KLHL1: variants seen among roughly 807,000 people sequenced by gnomAD.
The protein encoded by KLHL1 is kelch like family member 1.
A neutral mutation model predicts 77.7 loss-of-function variants in KLHL1; 47 were observed. The observed-to-expected ratio is 0.60, with a 90% CI of 0.48 to 0.77. The LOEUF (loss-of-function observed/expected upper bound fraction) is 0.77. KLHL1 is among the 30% of genes least tolerant of loss of function. The pLI, the probability that KLHL1 is intolerant of heterozygous loss-of-function variation, is 0.00. For missense variants in KLHL1, 925 were observed against 910.8 expected (o/e 1.02, Z -0.20); for synonymous variants, 360 against 325.2 (o/e 1.11, Z -1.15).
rs1229535140 is a variant in KLHL1 at position 70,095,656 on chromosome 13, A to T, written c.497+11547T>A. Among the ~76,000 whole-genome samples the T allele has an allele frequency of 6.6e-5, 10 of 152,274 alleles. No homozygotes were observed. In the East Asian group the frequency reaches 1.9e-3, roughly 29 times the overall value. ...GGGTAATTGAGATATTCATTACATTAAGCATTTATCATTTATTTGTGTTAG... is the reference window on the plus strand; with the variant it reads ...GGGTAATTGAGATATTCATTACATTTAGCATTTATCATTTATTTGTGTTAG... On this transcript the variant is annotated intron_variant, in intron 1 of 10. Transcript: ENST00000377844.
chr13:69,948,686 G>T (rs1016013154), intron 3 of KLHL1, among the ~76,000 whole-genome samples: 1 of 151,946 alleles, frequency 6.6e-6, no homozygotes, highest in Non-Finnish European at 1.5e-5. Context: ...GAATGGGAAG[G>T]AAAAAGTGAA....
intron 1 of KLHL1, among the ~76,000 whole-genome samples, chr13:70,101,423 G>A (rs866760839): frequency 6.6e-6 from 1 of 151,406 alleles, no homozygotes; most frequent in African/African-American, 2.4e-5. Context: ...TTCAATAGCC[G>A]TATATATATA....
rs147886948 is a variant in KLHL1 at position 69,799,921 on chromosome 13, C to T, written c.1415-2959G>A. Reference sequence around the variant, plus strand: ...CCGTGGCATTAAATTCTCATAGGAGCGCAAACCCTATTGTGAACTGTGCAT... The same window carrying T: ...CCGTGGCATTAAATTCTCATAGGAGTGCAAACCCTATTGTGAACTGTGCAT... On this transcript the variant is annotated intron_variant, in intron 6 of 10. Transcript: ENST00000377844. Among the ~76,000 whole-genome samples, 324 of 152,254 alleles carry T rather than the reference C, an allele frequency of 2.1e-3. 2 individuals are homozygous for T. Among genetic ancestry groups the T allele is most frequent in the Middle Eastern group, 0.017 (5 of 294 alleles).
At chr13:69,889,360 C>T (rs1881341945) in intron 4 of KLHL1, among the ~76,000 whole-genome samples, 2 of 151,812 alleles carry the variant, frequency 1.3e-5, no homozygotes, top group South Asian at 4.2e-4. Flanking sequence ...GTTATTTTAC[C>T]GGGGAGAATG....
intron 7 of KLHL1, among the ~76,000 whole-genome samples, chr13:69,762,470 ACAAT>A (rs1416015517): frequency 6.6e-6 from 1 of 151,910 alleles, no homozygotes; most frequent in African/African-American, 2.4e-5. Flanking sequence ...CCAACTGAGG[ACAAT>A]CAAACTCTTC....
At chr13:69,790,025 CTATT>C (rs1483146830) in intron 7 of KLHL1, among the ~76,000 whole-genome samples, 1 of 152,062 alleles carries the variant, frequency 6.6e-6, no homozygotes, top group African/African-American at 2.4e-5. Context: ...ATTGTGGTCT[CTATT>C]TAACTATCAA....
intron 1 of KLHL1, among the ~76,000 whole-genome samples, chr13:70,028,934 G>C (rs550866013): frequency 6.7e-6 from 1 of 150,246 alleles, no homozygotes; most frequent in Non-Finnish European, 1.5e-5. Flanking sequence ...CTGTGATTGC[G>C]CCACTGCACT....
intron 7 of KLHL1, among the ~76,000 whole-genome samples, chr13:69,785,429 C>T (rs1478269584): frequency 1.3e-5 from 2 of 152,012 alleles, no homozygotes. Flanking sequence ...GAAATGAAGG[C>T]AGAAATAAAG....
At chr13:69,965,622 T>C (rs1419419661) in intron 2 of KLHL1, among the ~76,000 whole-genome samples, 2 of 152,190 alleles carry the variant, frequency 1.3e-5, no homozygotes, top group Non-Finnish European at 2.9e-5. Flanking sequence ...TGATTAAGTT[T>C]AGCGAGGGAG....
At chr13:70,058,304 T>A (rs990477453) in intron 1 of KLHL1, among the ~76,000 whole-genome samples, 6 of 152,156 alleles carry the variant, frequency 3.9e-5, no homozygotes, top group Non-Finnish European at 7.4e-5. Flanking sequence ...TGTTTGCAGA[T>A]AATATGATTT....
rs192839503 is a variant in KLHL1, at chr13:70,093,741, A to G, written c.497+13462T>C. Among the ~76,000 whole-genome samples, 1,407 of 152,276 alleles carry G rather than the reference A, an allele frequency of 9.2e-3. 16 individuals carry two copies. The highest frequency in any genetic ancestry group is 0.014 in the Non-Finnish European group (970 of 68,014). On this transcript the variant is annotated intron_variant, in intron 1 of 10. Coordinates refer to ENST00000377844, the MANE Select transcript of KLHL1 (RefSeq NM_020866.3). ...TCTCATGGTATTTTGAACCAACTAC[A>G]TCATATGTAAAGACCTGTGCCACAG...
chr13:70,028,389 G>A (rs1175880337), intron 1 of KLHL1, among the ~76,000 whole-genome samples: 2 of 151,964 alleles, frequency 1.3e-5, no homozygotes, highest in East Asian at 3.9e-4. Flanking sequence ...ATTGTTGGTG[G>A]GATTATGAGC....
At chr13:69,842,121 A>G (rs1436937666) in intron 5 of KLHL1, among the ~76,000 whole-genome samples, 1 of 151,788 alleles carries the variant, frequency 6.6e-6, no homozygotes, top group African/African-American at 2.4e-5. Flanking sequence ...AAGTTCTCAT[A>G]AAGAGTGGTC....
intron 1 of KLHL1, among the ~76,000 whole-genome samples, chr13:70,041,367 G>A (rs1359127579): frequency 6.6e-6 from 1 of 152,140 alleles, no homozygotes; most frequent in Non-Finnish European, 1.5e-5. Flanking sequence ...ATTTAAATCT[G>A]TGCTTTAGCA....
intron 7 of KLHL1, among the ~76,000 whole-genome samples, chr13:69,743,142 A>G (rs909488808): frequency 2.0e-5 from 3 of 152,184 alleles, no homozygotes; most frequent in Non-Finnish European, 4.4e-5. Flanking sequence ...AGAATATGAT[A>G]TCTATCTGAA....
intron 7 of KLHL1, among the ~76,000 whole-genome samples, chr13:69,753,729 A>G (rs1874583807): frequency 6.6e-6 from 1 of 152,170 alleles, no homozygotes; most frequent in African/African-American, 2.4e-5. Context: ...CTTGAAGATT[A>G]TTCTCTACTG....
chr13:69,722,608 C>G lies in KLHL1; in HGVS notation c.1803-3027G>C, dbSNP rs570494922. Among the ~76,000 whole-genome samples, 12 of 151,900 alleles carry G rather than the reference C, an allele frequency of 7.9e-5. No individual in the cohort carries two copies. In the South Asian group the frequency reaches 2.3e-3, roughly 29 times the overall value. ...AATCATAACCACAATGAGATATCGCCTCACTCCAGTTGCAAAAGCTATTGC... is the reference window on the plus strand; with the variant it reads ...AATCATAACCACAATGAGATATCGCGTCACTCCAGTTGCAAAAGCTATTGC... On this transcript the variant is annotated intron_variant, in intron 8 of 10. Transcript: ENST00000377844.
intron 5 of KLHL1, among the ~76,000 whole-genome samples, chr13:69,873,868 G>T (rs1880671428): frequency 6.6e-6 from 1 of 152,108 alleles, no homozygotes; most frequent in East Asian, 1.9e-4. Flanking sequence ...CTTTTGAAAA[G>T]ACCTCTACAT....
chr13:70,004,299 C>T (rs1173529769), intron 1 of KLHL1, among the ~76,000 whole-genome samples: 2 of 151,646 alleles, frequency 1.3e-5, no homozygotes, highest in African/African-American at 2.4e-5. Flanking sequence ...AAATAAAGAC[C>T]CCCATGACAC....
Sources: allele counts gnomAD v4.1 joint callset (sites outside exome capture counted in the v4.1 genomes callset), GRCh38; gene constraint gnomAD v4.1.1; transcripts MANE v1.5; gene names NCBI Gene and HGNC (gene_info 2026-07-23, HGNC 2026-07-21).